Variants in YTHDC2 observed in about 807,000 individuals in gnomAD.
YTHDC2 encodes the protein YTH N6-methyladenosine RNA binding protein C2.
Under a neutral mutation model 174.9 loss-of-function variants are expected in YTHDC2, and 45 were observed. That is an observed-to-expected ratio of 0.26 (90% CI 0.20 to 0.33). The LOEUF is 0.33. Among genes scored for constraint, YTHDC2 ranks in the 10% least tolerant of loss-of-function variants. YTHDC2 has a pLI of 1.00. For synonymous variants in YTHDC2, 657 were observed against 574.5 expected (o/e 1.14, Z -2.05); for missense variants, 1,650 against 1,723.7 (o/e 0.96, Z 0.76).
At chr5:113,550,823 GAATT>G (rs1275040440) in intron 12 of YTHDC2, among the ~76,000 whole-genome samples, 2 of 151,796 alleles carry the variant, frequency 1.3e-5, no homozygotes, top group South Asian at 2.1e-4. Flanking sequence ...AAAACCAATC[GAATT>G]AATTGTCTTT....
intron 26 of YTHDC2, among the ~76,000 whole-genome samples, chr5:113,585,269 TAAAA>T (rs1201697166): frequency 6.6e-6 from 1 of 152,094 alleles, no homozygotes; most frequent in Non-Finnish European, 1.5e-5. Context: ...AAACTATCTT[TAAAA>T]AAACTTGTAA....
At chr5:113,540,929 T>G (rs763149751) in intron 8 of YTHDC2, 39 bp from the exon 9 acceptor site, 1 of 1,570,664 alleles carries the variant, frequency 6.4e-7, no homozygotes, top group Non-Finnish European at 8.7e-7. Context: ...AAAAAGGAAA[T>G]GATTTGTCTA....
intron 17 of YTHDC2, 40 bp from the exon 18 acceptor site, chr5:113,561,040 A>G (rs745848238): frequency 3.9e-6 from 6 of 1,523,264 alleles, no homozygotes; most frequent in Non-Finnish European, 5.4e-6. Flanking sequence ...TGTAGCCTTT[A>G]TTCGTTGTTT....
Position 113,567,427 on chromosome 5 carries a change from T to TATATATAA in YTHDC2, c.3048+130_3048+131insATATATAA, listed in dbSNP as rs138503872. ...AGTTATATATATATATATATATATA[T>TATATATAA]CATTAAATATTGGAACAAAACTTAT... On this transcript the variant is annotated intron_variant, in intron 22 of 29. Transcript: ENST00000161863. 3,674 of 374,886 alleles carry TATATATAA rather than the reference T, an allele frequency of 9.8e-3. 109 individuals carry two copies. The highest frequency in any genetic ancestry group is 0.041 in the African/African-American group (1,609 of 39,550). The allele number at this position is 374,886 out of a possible 1,614,324, so 23.2% of individuals were successfully genotyped here.
At chr5:113,564,189 C>A (rs1777189857) in intron 20 of YTHDC2, 58 bp downstream of exon 20, 3 of 1,455,118 alleles carry the variant, frequency 2.1e-6, no homozygotes, top group African/African-American at 2.9e-5. Context: ...GTTTCTGGGG[C>A]AAATGTAGGA....
At chr5:113,568,224 A>G (rs1777479703) in intron 23 of YTHDC2, among the ~76,000 whole-genome samples, 1 of 152,186 alleles carries the variant, frequency 6.6e-6, no homozygotes, top group African/African-American at 2.4e-5. Flanking sequence ...ACATGTTTAC[A>G]TATTTTAAAT....
intron 4 of YTHDC2, 48 bp downstream of exon 4, chr5:113,526,833 A>G (rs1561628898): frequency 2.7e-6 from 1 of 369,144 alleles, no homozygotes; most frequent in Non-Finnish European, 4.1e-6. Context: ...AAAAATATAT[A>G]TATATATATA....
rs773141015 is a variant in YTHDC2, at chr5:113,526,655, G to C, written c.545G>C (p.Gly182Ala). 6.2e-7 allele frequency: 1 copy of C among 1,606,430 alleles called. No homozygotes were observed. The highest frequency in any genetic ancestry group is 1.7e-5 in the Admixed American group (1 of 59,216). Residue 182 changes from glycine (G) to alanine (A), a missense_variant, in exon 4 of 30, where the codon GGA (glycine) becomes GCA (alanine). Transcript: ENST00000161863. ...NGIPQIPVKRGESEFDSFRQS... is the reference protein window; with the variant it reads ...NGIPQIPVKRAESEFDSFRQS... ...ATACCTCAGATTCCAGTGAAAAGAG[G>C]AGAATCCGAATTTGATTCTTTTAGG...
At chr5:113,567,026 T>C (rs1777378820) in intron 21 of YTHDC2, 66 bp from the exon 22 acceptor site, 25 of 1,507,494 alleles carry the variant, frequency 1.7e-5, no homozygotes, top group Non-Finnish European at 2.1e-5. Context: ...TACAAGTTTT[T>C]GGAAAAAATA....
chr5:113,550,780 A>G (rs1397096031), intron 12 of YTHDC2, among the ~76,000 whole-genome samples: 1 of 152,142 alleles, frequency 6.6e-6, no homozygotes, highest in Non-Finnish European at 1.5e-5. Flanking sequence ...GCTTTGATTT[A>G]GCAAAAAAAG....
At position 113,581,493 on chromosome 5, in the gene YTHDC2, C is replaced by T. The variant is rs1778400448; in HGVS notation, c.3431C>T (p.Pro1144Leu). ...CGCCGAATGAGAGCTCCATCTAAAC[C>T]TTGGTCTCAAGTTGATGAAGCTACC... The part of the protein sequence containing the change: ...FLRRMRAPSK[P>L]WSQVDEATIR... Residue 1144 changes from proline to leucine, a missense_variant, in exon 25 of 30, where the codon CCT becomes CTT. Physicochemically the swap from Pro to Leu is moderately conservative, Grantham distance 98. This residue lies in a region of YTHDC2 where 913 missense variants were observed against 940.4 expected (regional missense o/e 0.97). Coordinates refer to ENST00000161863, the MANE Select transcript of YTHDC2 (RefSeq NM_022828.5). The T allele has an allele frequency of 6.2e-7, 1 of 1,613,830 alleles. No homozygotes were observed. Among genetic ancestry groups the T allele is most frequent in the Non-Finnish European group, 8.5e-7 (1 of 1,179,912 alleles).
At chr5:113,546,030 G>GC (rs1184086597) in intron 10 of YTHDC2, among the ~76,000 whole-genome samples, 4 of 150,532 alleles carry the variant, frequency 2.7e-5, no homozygotes, top group Non-Finnish European at 5.9e-5. Flanking sequence ...GTGAGCCACC[G>GC]CGCCCGGCCT....
Position 113,593,650 on chromosome 5 carries a change from T to C in YTHDC2, c.*176T>C, listed in dbSNP as rs1304004485. 1 of 253,444 alleles carries C rather than the reference T, an allele frequency of 3.9e-6. No homozygotes were observed. The highest frequency in any genetic ancestry group is 5.0e-5 in the Admixed American group (1 of 20,070). The allele number at this position is 253,444 out of a possible 1,614,324, so 15.7% of individuals were successfully genotyped here. A position where few individuals can be genotyped will look rare whatever the true frequency, so the allele number is the denominator to read the frequency against. Reference sequence around the variant, plus strand: ...GAGAAAGGAAGCATTTAAATTTTTATAGTGATTATAGAGAATGATTATATG... The same window carrying C: ...GAGAAAGGAAGCATTTAAATTTTTACAGTGATTATAGAGAATGATTATATG... On this transcript the variant is annotated 3_prime_UTR_variant, in exon 30 of 30. Coordinates refer to ENST00000161863, the MANE Select transcript of YTHDC2 (RefSeq NM_022828.5).
chr5:113,526,261 G>C (rs900587915), intron 3 of YTHDC2, among the ~76,000 whole-genome samples: 1 of 151,800 alleles, frequency 6.6e-6, no homozygotes, highest in Non-Finnish European at 1.5e-5. Context: ...TATCAAGATT[G>C]TTTTATTTTT....
chr5:113,549,511 A>C (rs1246745185), intron 12 of YTHDC2, among the ~76,000 whole-genome samples: 1 of 152,178 alleles, frequency 6.6e-6, no homozygotes, highest in Admixed American at 6.6e-5. Context: ...CTTTGAGTGA[A>C]GCAGTAAAAA....
intron 18 of YTHDC2, among the ~76,000 whole-genome samples, chr5:113,561,620 C>T (rs1038982916): frequency 1.3e-5 from 2 of 151,874 alleles, no homozygotes; most frequent in African/African-American, 2.4e-5. Flanking sequence ...AGGCGCCCAC[C>T]ACCGTGCCCA....
At chr5:113,559,643 A>G (rs559719412) in intron 17 of YTHDC2, among the ~76,000 whole-genome samples, 7 of 152,250 alleles carry the variant, frequency 4.6e-5, no homozygotes, top group Admixed American at 6.5e-5. Flanking sequence ...AGGTTACCCA[A>G]TTCTGACTGA....
At chr5:113,526,826 A>AAT (rs753695226) in intron 4 of YTHDC2, 41 bp downstream of exon 4, 4,312 of 145,270 alleles carry the variant, frequency 0.03, 81 homozygotes, top group South Asian at 0.076. Context: ...AAAAAAAAAA[A>AAT]ATATATATAT....
chr5:113,534,686 A>G (rs1190406663), intron 6 of YTHDC2, among the ~76,000 whole-genome samples: 1 of 152,154 alleles, frequency 6.6e-6, no homozygotes, highest in Non-Finnish European at 1.5e-5. Context: ...TGTGCTTTTC[A>G]TATATGAAAA....
Sources: gnomAD v4.1 joint callset for allele counts (sites outside exome capture counted in the v4.1 genomes callset) on GRCh38, gnomAD v4.1.1 for gene constraint, gnomAD v4.1.1 regional missense constraint, MANE v1.5 for transcripts, NCBI Gene and HGNC (gene_info 2026-07-23, HGNC 2026-07-21) for gene names.